Variants in DNAH10 observed in about 807,000 individuals in gnomAD.
DNAH10 encodes dynein axonemal heavy chain 10.
In DNAH10, 348 loss-of-function variants were observed where a neutral mutation model predicts 506.6. That is an observed-to-expected ratio of 0.69 (90% CI 0.63 to 0.75). DNAH10 has a LOEUF of 0.75. DNAH10 is among the 30% of genes least tolerant of loss of function. The probability of loss-of-function intolerance (pLI) is 0.00; values close to 1 mark genes in which losing one functional copy is unlikely to be tolerated. For missense variants in DNAH10, 5,179 were observed against 5,787.1 expected (o/e 0.89, Z 3.41); for synonymous variants, 2,059 against 2,198.6 (o/e 0.94, Z 1.78).
At position 123,916,478 on chromosome 12, in the gene DNAH10, G is replaced by A; in HGVS notation, c.10744G>A (p.Asp3582Asn). The change falls in exon 63 of 79, where the codon GAC (aspartate) becomes AAC (asparagine). Residue 3582 changes from aspartate to asparagine, a missense_variant. Coordinates refer to ENST00000673944, the MANE Select transcript of DNAH10 (RefSeq NM_001372106.1). The surrounding 1 kb of genome is among the most constrained non-coding windows in gnomAD (Gnocchi z 4.6). ...CCAGGTCGCTTCCTTTAATGACCCT[G>A]ACTTCCTCAAGCAGCTAGAGATGTC... is the stretch of plus-strand genomic sequence containing the variant. ...NLRVASFNDP[D>N]FLKQLEMSIK... 1 of 1,611,400 alleles carries A rather than the reference G, an allele frequency of 6.2e-7. No homozygotes were observed. Among genetic ancestry groups the A allele is most frequent in the Non-Finnish European group, 8.5e-7 (1 of 1,178,482 alleles).
Position 123,860,993 on chromosome 12 carries a change from A to G in DNAH10, c.6750-19A>G, listed in dbSNP as rs1489086970. On this transcript the variant is annotated intron_variant, in intron 38 of 78. Coordinates refer to ENST00000673944, the MANE Select transcript of DNAH10 (RefSeq NM_001372106.1). ...CATTTAGTTGTCTTGAACCATGGCT[A>G]AAGCCTCTCTTGATTTAGGCTTGGG... The G allele has an allele frequency of 6.2e-7, 1 of 1,613,814 alleles. No homozygotes were observed. Among genetic ancestry groups the G allele is most frequent in the Non-Finnish European group, 8.5e-7 (1 of 1,179,882 alleles).
rs1565936976 is a variant in DNAH10, at chr12:123,813,418, A to G, written c.3399A>G (p.Lys1133=). 6.2e-7 allele frequency: 1 copy of G among 1,614,102 alleles called. No individual in the cohort carries two copies. The highest frequency in any genetic ancestry group is 8.5e-7 in the Non-Finnish European group (1 of 1,180,018). The change falls in exon 20 of 79, where the codon AAA becomes AAG. Residue 1133 remains lysine, a synonymous_variant. Coordinates refer to ENST00000673944, the MANE Select transcript of DNAH10 (RefSeq NM_001372106.1). ...TGATGGAGAAATTTGCTGCCAAGAA[A>G]CCTCCTTGTGTAGCATATGATGAAA... ...AIVMEKFAAK[K]PPCVAYDEKL...
At position 123,909,517 on chromosome 12, in the gene DNAH10, G is replaced by C; in HGVS notation, c.9997+75G>C. 6.8e-7 allele frequency: 1 copy of C among 1,470,416 alleles called. No homozygotes were observed. The highest frequency in any genetic ancestry group is 9.1e-7 in the Non-Finnish European group (1 of 1,104,838). The allele number at this position is 1,470,416 out of a possible 1,614,324, so 91.1% of individuals were successfully genotyped here. A position where few individuals can be genotyped will look rare whatever the true frequency, so the allele number is the denominator to read the frequency against. On this transcript the variant is annotated intron_variant, in intron 58 of 78. Transcript: ENST00000673944. The surrounding 1 kb of genome is among the most constrained non-coding windows in gnomAD (Gnocchi z 5.4). Reference sequence around the variant, plus strand: ...TCTCAGGCTCTGGGACAGGGATGGAGGGCAAGGAGGCTTGTCGTGGGCAGG... The same window carrying C: ...TCTCAGGCTCTGGGACAGGGATGGACGGCAAGGAGGCTTGTCGTGGGCAGG...
intron 45 of DNAH10, among the ~76,000 whole-genome samples, chr12:123,872,049 A>G (rs1952057329): frequency 3.3e-5 from 5 of 152,144 alleles, no homozygotes; most frequent in Admixed American, 1.3e-4. Flanking sequence ...ACACCCTGAT[A>G]TAGTGTGGGA....
rs1953653500 is a variant in DNAH10, at chr12:123,903,937, C to T, written c.9815+824C>T. On this transcript the variant is annotated intron_variant, in intron 57 of 78. Transcript: ENST00000673944. The surrounding 1 kb of genome is among the most constrained non-coding windows in gnomAD (Gnocchi z 4.6). ...CTGGCCCCACACACGGGTCTCGCAG[C>T]CGAGAGGCTCCGTTCCTGGGTCAGT... Among the ~76,000 whole-genome samples the T allele has an allele frequency of 6.6e-6, 1 of 152,188 alleles. No individual in the cohort carries two copies. The highest frequency in any genetic ancestry group is 2.1e-4 in the South Asian group (1 of 4,830).
intron 39 of DNAH10, 126 bp from the exon 40 acceptor site, chr12:123,864,469 T>A: frequency 7.7e-7 from 1 of 1,303,742 alleles, no homozygotes; most frequent in South Asian, 1.7e-5. Flanking sequence ...ACTAGGGTGC[T>A]CTGTCTCAGA....
chr12:123,824,840 G>A (rs1053037337), intron 24 of DNAH10, among the ~76,000 whole-genome samples: 2 of 152,068 alleles, frequency 1.3e-5, no homozygotes, highest in Non-Finnish European at 1.5e-5. Context: ...CTCTAATCCA[G>A]TATGACCTCA....
At chr12:123,884,275 G>A (rs1232436491) in intron 51 of DNAH10, among the ~76,000 whole-genome samples, 2 of 152,216 alleles carry the variant, frequency 1.3e-5, no homozygotes, top group Non-Finnish European at 1.5e-5. Flanking sequence ...CCTAAGAGGT[G>A]TTCTTTTGCA....
At chr12:123,812,178 G>T (rs1294226501) in intron 19 of DNAH10, among the ~76,000 whole-genome samples, 1 of 152,066 alleles carries the variant, frequency 6.6e-6, no homozygotes, top group African/African-American at 2.4e-5. Context: ...TTGGCCGGGC[G>T]CAGTGGCTCA....
intron 46 of DNAH10, 146 bp from the exon 47 acceptor site, chr12:123,875,084 AC>A: frequency 1.2e-6 from 1 of 866,582 alleles, no homozygotes; most frequent in East Asian, 2.6e-5. Context: ...TACAGTTGCA[AC>A]CTTTGAGAAG....
intron 18 of DNAH10, among the ~76,000 whole-genome samples, chr12:123,806,072 G>A (rs914864955): frequency 1.3e-5 from 2 of 152,056 alleles, no homozygotes; most frequent in East Asian, 1.9e-4. Context: ...CACTGCGCCC[G>A]GCCACCCCGC....
chr12:123,834,540 T>A (rs1355224183), intron 27 of DNAH10, among the ~76,000 whole-genome samples: 2 of 152,200 alleles, frequency 1.3e-5, no homozygotes, highest in African/African-American at 4.8e-5. Flanking sequence ...AAAATTTAAA[T>A]AACATAAAAC....
rs551358752 is a variant in DNAH10, at chr12:123,851,008, G to A, written c.6223G>A (p.Val2075Met). Reference protein sequence around the residue: ...SVKALFRPVVVIVPDLQQICE... With the variant: ...SVKALFRPVVMIVPDLQQICE... ...GAAGGCGCTGTTCAGGCCTGTGGTC[G>A]TGATCGTGCCCGACCTGCAGCAGAT... Residue 2075 changes from valine (V) to methionine (M), a missense_variant, in exon 35 of 79, where the codon GTG (valine) becomes ATG (methionine). Physicochemically the swap from Val to Met is conservative, Grantham distance 21. Transcript: ENST00000673944. 41 of 1,613,854 alleles carry A rather than the reference G, an allele frequency of 2.5e-5. No homozygotes were observed. The South Asian group carries it at 3.4e-4, about 13-fold the overall frequency.
chr12:123,827,408 A>G (rs1960103258), intron 25 of DNAH10, among the ~76,000 whole-genome samples: 1 of 152,238 alleles, frequency 6.6e-6, no homozygotes, highest in South Asian at 2.1e-4. Flanking sequence ...TGCAATGTGT[A>G]TTTTATATCT....
chr12:123,844,582 CAACCTGGCCTGCA>C (rs1427785569), intron 30 of DNAH10, among the ~76,000 whole-genome samples: 6 of 152,196 alleles, frequency 3.9e-5, no homozygotes. Flanking sequence ...AAGCGTGTTA[CAACCTGGCCTGCA>C]AACCTGGGCA....
chr12:123,795,141 C>A (rs1270025192), intron 12 of DNAH10, among the ~76,000 whole-genome samples: 1 of 92,804 alleles, frequency 1.1e-5, no homozygotes, highest in Non-Finnish European at 1.9e-5. Flanking sequence ...AGTGAAACTT[C>A]GTCTCAAAAA....
At chr12:123,781,875 G>A (rs1473887113) in intron 6 of DNAH10, among the ~76,000 whole-genome samples, 1 of 150,752 alleles carries the variant, frequency 6.6e-6, no homozygotes, top group African/African-American at 2.4e-5. Context: ...CTTTACGTAA[G>A]CTTTTAAGAG....
At chr12:123,767,046 C>G (rs1221057554) in intron 1 of DNAH10, among the ~76,000 whole-genome samples, 2 of 151,772 alleles carry the variant, frequency 1.3e-5, no homozygotes, top group African/African-American at 4.8e-5. Context: ...GCTGGGATTA[C>G]AGGCGCGCAC....
chr12:123,931,251 C>T, intron 73 of DNAH10, 90 bp from the exon 74 acceptor site: 7 of 1,539,968 alleles, frequency 4.5e-6, no homozygotes, highest in Non-Finnish European at 6.1e-6. Flanking sequence ...GGAAATTAGT[C>T]TTGCATGTCT....
Sources: allele counts gnomAD v4.1 joint callset (sites outside exome capture counted in the v4.1 genomes callset), GRCh38; gene constraint gnomAD v4.1.1; non-coding constraint Gnocchi (gnomAD v3.1); transcripts MANE v1.5; gene names NCBI Gene and HGNC (gene_info 2026-07-23, HGNC 2026-07-21).